Variants in ANAPC1 observed in about 807,000 individuals in gnomAD.
The protein encoded by ANAPC1 is anaphase-promoting complex subunit 1.
Under a neutral mutation model 208.0 loss-of-function variants are expected in ANAPC1, and 36 were observed. The ratio of observed to expected loss-of-function variants is 0.17; its 90% CI spans 0.13 to 0.23. ANAPC1 has a LOEUF of 0.23. ANAPC1 is among the 10% of genes least tolerant of loss of function. The pLI, the probability that ANAPC1 is intolerant of heterozygous loss-of-function variation, is 1.00. For missense variants in ANAPC1, 942 were observed against 2,011.6 expected (o/e 0.47, Z 10.17); for synonymous variants, 378 against 695.2 (o/e 0.54, Z 7.18).
At chr2:111,882,319 C>T (rs774516829) in intron 1 of ANAPC1, among the ~76,000 whole-genome samples, 3 of 152,134 alleles carry the variant, frequency 2.0e-5, no homozygotes, top group Non-Finnish European at 4.4e-5. Context: ...CCGTTGTTTC[C>T]GTGTATTGAC....
At chr2:111,831,214 A>G (rs1302631012) in intron 21 of ANAPC1, 72 bp downstream of exon 21, 30 of 1,517,642 alleles carry the variant, frequency 2.0e-5, no homozygotes, top group East Asian at 4.6e-5. Context: ...AAAAAACTTA[A>G]TATCAGGTGT....
intron 46 of ANAPC1, among the ~76,000 whole-genome samples, chr2:111,772,851 A>G (rs1470764494): frequency 6.6e-6 from 1 of 151,916 alleles, no homozygotes; most frequent in East Asian, 1.9e-4. Flanking sequence ...GATCCTTACT[A>G]GTCTTGGCCA....
chr2:111,855,647 A>C (rs1187690679), intron 13 of ANAPC1, among the ~76,000 whole-genome samples: 1 of 152,196 alleles, frequency 6.6e-6, no homozygotes, highest in Non-Finnish European at 1.5e-5. Flanking sequence ...TTCAAAAACA[A>C]GGAAAACTAA....
chr2:111,878,682 TG>T (rs1683142341), intron 3 of ANAPC1, 127 bp downstream of exon 3: 1 of 1,313,674 alleles, frequency 7.6e-7, no homozygotes, highest in African/African-American at 1.5e-5. Flanking sequence ...TATTATGTCA[TG>T]TTACAACGTA....
intron 24 of ANAPC1, among the ~76,000 whole-genome samples, chr2:111,823,309 G>A (rs184042084): frequency 2.6e-5 from 4 of 151,908 alleles, no homozygotes; most frequent in Non-Finnish European, 4.4e-5. Context: ...GAGCCACCGC[G>A]CCTGGCCCAA....
intron 46 of ANAPC1, among the ~76,000 whole-genome samples, chr2:111,773,555 G>GA (rs1392222585): frequency 1.3e-5 from 2 of 152,088 alleles, no homozygotes; most frequent in East Asian, 3.9e-4. Flanking sequence ...TTTTGATACA[G>GA]AAAAAAGGTA....
chr2:111,869,352 T>C (rs1682611257), intron 6 of ANAPC1, among the ~76,000 whole-genome samples: 1 of 152,022 alleles, frequency 6.6e-6, no homozygotes. Context: ...CAAGTGATTC[T>C]CCTGCCTCAG....
chr2:111,834,475 C>A lies in ANAPC1; in HGVS notation c.2384+129G>T, dbSNP rs2049203. 3 of 1,227,810 alleles carry A rather than the reference C, an allele frequency of 2.4e-6. No homozygotes were observed. The South Asian group carries it at 7.5e-5, about 31-fold the overall frequency. 76.1% of individuals were successfully genotyped at this position (1,227,810 alleles called of 1,614,324 possible). Reference sequence around the variant, plus strand: ...AACAACTCTGTGGTTTACAGAGATGCCCTAGTTTTCTGAGAAGGTAGATTT... The same window carrying A: ...AACAACTCTGTGGTTTACAGAGATGACCTAGTTTTCTGAGAAGGTAGATTT... On this transcript the variant is annotated intron_variant, in intron 19 of 47. Transcript: ENST00000341068.
At chr2:111,856,257 C>A in intron 13 of ANAPC1, 1 of 188,420 alleles carries the variant, frequency 5.3e-6, no homozygotes, top group Non-Finnish European at 1.1e-5. Flanking sequence ...CTAACATATA[C>A]CACATTTAAT....
intron 35 of ANAPC1, 135 bp downstream of exon 35, chr2:111,794,683 C>A: frequency 7.7e-7 from 1 of 1,300,100 alleles, no homozygotes. Flanking sequence ...TCATGAACAT[C>A]TGATAAATAA....
In ANAPC1 at chr2:111,831,427, T is replaced by C. The variant is rs1260582490; in HGVS notation, c.2484A>G (p.Thr828=). ...GQVCTIDPGQ[T]GFMHHPSFFT... is the part of the protein sequence containing the mutation. ...AAAATGATGGATGATGCATAAATCC[T>C]GTTTGACCTTTAAAATTAGATAAAT... Residue 828 remains threonine, a synonymous_variant, in exon 21 of 48, where the codon ACA becomes ACG. Transcript: ENST00000341068. 1.3e-6 allele frequency: 2 copies of C among 1,594,690 alleles called. No individual in the cohort carries two copies. The highest frequency in any genetic ancestry group is 1.4e-5 in the African/African-American group (1 of 74,070).
At chr2:111,835,612 G>A (rs1395193037) in intron 18 of ANAPC1, among the ~76,000 whole-genome samples, 3 of 152,190 alleles carry the variant, frequency 2.0e-5, no homozygotes, top group African/African-American at 7.2e-5. Flanking sequence ...GCCGAGGCGG[G>A]TGGATCACAA....
chr2:111,777,297 A>G (rs968389339), intron 45 of ANAPC1, among the ~76,000 whole-genome samples: 9 of 152,216 alleles, frequency 5.9e-5, no homozygotes, highest in Non-Finnish European at 1.2e-4. Flanking sequence ...ACAAAGGTGA[A>G]TGAGCTCATT....
At chr2:111,776,808 C>T (rs1677020444) in intron 46 of ANAPC1, 51 bp downstream of exon 46, 1 of 281,442 alleles carries the variant, frequency 3.6e-6, no homozygotes, top group Middle Eastern at 8.9e-4. Context: ...AAAGCCTGAA[C>T]CGAATGTATC....
Position 111,880,286 on chromosome 2 carries a change from C to T in ANAPC1, c.213+327G>A, listed in dbSNP as rs1392367110. 1.3e-5 allele frequency among the ~76,000 whole-genome samples: 2 copies of T among 152,062 alleles called. 1 individual carries two copies. Among genetic ancestry groups the T allele is most frequent in the African/African-American group, 4.8e-5 (2 of 41,400 alleles). ...ACTCGGGAGGCTGAAGCAGGAGAAT[C>T]ACTTGAACCCGGGAGGCAGAGGTTG... On this transcript the variant is annotated intron_variant, in intron 2 of 47. Transcript: ENST00000341068.
intron 18 of ANAPC1, among the ~76,000 whole-genome samples, chr2:111,836,680 G>A (rs1429585603): frequency 6.6e-6 from 1 of 151,378 alleles, no homozygotes; most frequent in Non-Finnish European, 1.5e-5. Flanking sequence ...GAAAATGTAT[G>A]TCCACGGGCC....
Position 111,832,401 on chromosome 2 carries a change from T to C in ANAPC1, c.2476+819A>G, listed in dbSNP as rs1461121597. ...AGAAACATCCAGGATTCAGGTCTGT[T>C]CCAACAACTGGGCCCCAAATTTCAG... On this transcript the variant is annotated intron_variant, in intron 20 of 47. Transcript: ENST00000341068. Among the ~76,000 whole-genome samples the C allele has an allele frequency of 2.6e-5, 4 of 151,980 alleles. No homozygotes were observed. The East Asian group carries it at 7.7e-4, about 29-fold the overall frequency.
chr2:111,782,865 G>A (rs1326459212), intron 42 of ANAPC1, among the ~76,000 whole-genome samples: 10 of 152,098 alleles, frequency 6.6e-5, no homozygotes, highest in Admixed American at 2.0e-4. Context: ...TTGGTTTGCA[G>A]CAAGAAGAAA....
At position 111,825,777 on chromosome 2, in the gene ANAPC1, C is replaced by G; in HGVS notation, c.2704G>C (p.Ala902Pro). Residue 902 changes from alanine to proline, a missense_variant and splice_region_variant, in exon 22 of 48, where the codon GCC (alanine) becomes CCC (proline). Coordinates refer to ENST00000341068, the MANE Select transcript of ANAPC1 (RefSeq NM_022662.4). Reference protein sequence around the residue: ...SSQYLTRITIAPQKLQVEQEE... With the variant: ...SSQYLTRITIPPQKLQVEQEE... ...CAGAGGCAACATTGCACCAACTTAC[C>G]TATAGTTATTCTGGTTAAATACTGT... 1 of 1,612,920 alleles carries G rather than the reference C, an allele frequency of 6.2e-7. No homozygotes were observed. Among genetic ancestry groups the G allele is most frequent in the Admixed American group, 1.7e-5 (1 of 59,922 alleles).
Sources: allele counts gnomAD v4.1 joint callset (sites outside exome capture counted in the v4.1 genomes callset), GRCh38; gene constraint gnomAD v4.1.1; transcripts MANE v1.5; gene names NCBI Gene and HGNC (gene_info 2026-07-23, HGNC 2026-07-21).